Variants in MECOM observed in about 807,000 individuals in gnomAD.
The protein encoded by MECOM is MDS1 and EVI1 complex locus, also known as histone-lysine N-methyltransferase MECOM.
Under a neutral mutation model 116.3 loss-of-function variants are expected in MECOM, and 13 were observed. The ratio of observed to expected loss-of-function variants is 0.11; its 90% CI spans 0.07 to 0.18. The LOEUF (loss-of-function observed/expected upper bound fraction) is 0.18. Ranked by LOEUF, MECOM falls within the 10% of genes least tolerant of loss-of-function variation. The probability of loss-of-function intolerance (pLI) is 1.00; values close to 1 mark genes in which losing one functional copy is unlikely to be tolerated. For synonymous variants in MECOM, 528 were observed against 535.2 expected (o/e 0.99, Z 0.19); for missense variants, 1,299 against 1,509.0 (o/e 0.86, Z 2.31).
rs1416714963 is a variant in MECOM at position 169,486,029 on chromosome 3, A to ATATATATACGTATATATAG, written c.38-104506_38-104505insCTATATATACGTATATATA. 6.0e-5 allele frequency among the ~76,000 whole-genome samples: 7 copies of ATATATATACGTATATATAG among 115,760 alleles called. No individual in the cohort carries two copies. In the East Asian group the frequency reaches 1.1e-3, roughly 18 times the overall value. 75.9% of individuals were successfully genotyped at this position (115,760 alleles called of 152,430 possible). A position where few individuals can be genotyped will look rare whatever the true frequency, so the allele number is the denominator to read the frequency against. On this transcript the variant is annotated intron_variant, in intron 1 of 16. Coordinates refer to ENST00000651503, the MANE Select transcript of MECOM (RefSeq NM_004991.4). ...TACTATATATATATGTATATATAGTATATATATATATGTATATATATATAC... is the reference window on the plus strand; with the variant it reads ...TACTATATATATATGTATATATAGTATATATATACGTATATATAGTATATATATATGTATATATATATAC...
At chr3:169,549,127 C>A (rs1014752324) in intron 1 of MECOM, among the ~76,000 whole-genome samples, 3 of 152,098 alleles carry the variant, frequency 2.0e-5, no homozygotes, top group Admixed American at 2.0e-4. Context: ...GCGCATGCCA[C>A]CACACCCAGC....
intron 1 of MECOM, among the ~76,000 whole-genome samples, chr3:169,659,257 A>C (rs1775932062): frequency 6.6e-6 from 1 of 151,902 alleles, no homozygotes; most frequent in Non-Finnish European, 1.5e-5. Flanking sequence ...ACACTCACTC[A>C]CATTCACACA....
chr3:169,650,762 T>A (rs1003076911), intron 1 of MECOM, among the ~76,000 whole-genome samples: 1 of 152,018 alleles, frequency 6.6e-6, no homozygotes, highest in Non-Finnish European at 1.5e-5. Flanking sequence ...TGAGCTTCCT[T>A]TAATTGCAGA....
intron 1 of MECOM, among the ~76,000 whole-genome samples, chr3:169,450,597 A>G (rs1745395957): frequency 6.6e-6 from 1 of 151,716 alleles, no homozygotes; most frequent in South Asian, 2.1e-4. Flanking sequence ...AAAAAAAATG[A>G]TGACAAAAAA....
At position 169,146,226 on chromosome 3, in the gene MECOM, A is replaced by T. The variant is rs539139161; in HGVS notation, c.376-2394T>A. 3.3e-5 allele frequency: 37 copies of T among 1,123,000 alleles called. No homozygotes were observed. In the African/African-American group the frequency reaches 5.6e-4, roughly 17 times the overall value. The allele number at this position is 1,123,000 out of a possible 1,614,324, so 69.6% of individuals were successfully genotyped here. ...AAAGGAAAAAAAAAAAAATCCCCAC[A>T]ATCTAGCCAAAGGGTCCGAATGTGA... On this transcript the variant is annotated intron_variant, in intron 2 of 16. Transcript: ENST00000651503.
At position 169,177,859 on chromosome 3, in the gene MECOM, G is replaced by A. The variant is rs569583756; in HGVS notation, c.376-34027C>T. The stretch of plus-strand genomic sequence containing the variant: ...CTTGAACCCGGGAGGCAGAGGTTGC[G>A]GTGAGATGAGATCCCAGCCACTGCA... On this transcript the variant is annotated intron_variant, in intron 2 of 16. Coordinates refer to ENST00000651503, the MANE Select transcript of MECOM (RefSeq NM_004991.4). Among the ~76,000 whole-genome samples the A allele has an allele frequency of 4.6e-5, 7 of 151,656 alleles. No homozygotes were observed. In the South Asian group the frequency reaches 6.3e-4, roughly 14 times the overall value.
intron 1 of MECOM, among the ~76,000 whole-genome samples, chr3:169,486,084 G>A (rs1290381226): frequency 1.4e-5 from 2 of 143,666 alleles, no homozygotes; most frequent in Non-Finnish European, 3.0e-5. Context: ...CAAGTTTGAT[G>A]TGGTTTTAGG....
At chr3:169,378,747 C>A (rs1577919038) in intron 2 of MECOM, among the ~76,000 whole-genome samples, 1 of 151,822 alleles carries the variant, frequency 6.6e-6, no homozygotes, top group East Asian at 1.9e-4. Context: ...AGAAGGGGAG[C>A]TTTGCAGGAA....
intron 1 of MECOM, among the ~76,000 whole-genome samples, chr3:169,515,052 A>G (rs1403842839): frequency 3.3e-5 from 5 of 152,092 alleles, no homozygotes; most frequent in African/African-American, 1.2e-4. Context: ...ACATCCAACA[A>G]CTGAGAGAGC....
chr3:169,237,411 T>G (rs1254951473), intron 2 of MECOM, among the ~76,000 whole-genome samples: 1 of 152,136 alleles, frequency 6.6e-6, no homozygotes, highest in East Asian at 1.9e-4. Context: ...CACTATAGTA[T>G]TCAATATAAA....
rs116452387 is a variant in MECOM, at chr3:169,112,219, A to G, written c.2577+568T>C. On this transcript the variant is annotated intron_variant, in intron 9 of 16. Transcript: ENST00000651503. ...TGCTTTGCATTTTCCTTGCAATGAT[A>G]AACTGTATATATTTTGATAAATGAA... is the stretch of plus-strand genomic sequence containing the variant. Among the ~76,000 whole-genome samples the G allele has an allele frequency of 4.7e-3, 709 of 152,294 alleles. 9 individuals are homozygous for G. The highest frequency in any genetic ancestry group is 0.017 in the African/African-American group (687 of 41,566).
Position 169,084,870 on chromosome 3 carries a change from C to T in MECOM, c.*39G>A. On this transcript the variant is annotated 3_prime_UTR_variant, in exon 17 of 17. Transcript: ENST00000651503. ...AGTCCTATATGAAAGAGCCATGCTA[C>T]TGTTGGACTTGGTCCCACTCTGGTC... is the stretch of plus-strand genomic sequence containing the variant. 6.2e-7 allele frequency: 1 copy of T among 1,612,948 alleles called. No individual in the cohort carries two copies. Among genetic ancestry groups the T allele is most frequent in the Non-Finnish European group, 8.5e-7 (1 of 1,179,246 alleles).
chr3:169,205,359 T>G (rs914362254), intron 2 of MECOM, among the ~76,000 whole-genome samples: 3 of 152,152 alleles, frequency 2.0e-5, no homozygotes, highest in African/African-American at 7.2e-5. Context: ...TAAGCATAGG[T>G]TTTTGAAATG....
intron 2 of MECOM, among the ~76,000 whole-genome samples, chr3:169,256,570 A>G (rs1023601055): frequency 9.9e-5 from 15 of 152,240 alleles, no homozygotes; most frequent in African/African-American, 3.4e-4. Flanking sequence ...AACGTAAAAT[A>G]AAAATGAGCC....
rs76136094 is a variant in MECOM, at chr3:169,187,190, G to A, written c.376-43358C>T. On this transcript the variant is annotated intron_variant, in intron 2 of 16. Transcript: ENST00000651503. ...TGGTAGAAGTTTCAAATTCAAGAGGGTGCCTTTCTCACCCTTCAAAGAAGT... is the reference window on the plus strand; with the variant it reads ...TGGTAGAAGTTTCAAATTCAAGAGGATGCCTTTCTCACCCTTCAAAGAAGT... Among the ~76,000 whole-genome samples, 61 of 152,168 alleles carry A rather than the reference G, an allele frequency of 4.0e-4. 1 individual carries two copies. In the East Asian group the frequency reaches 0.011, roughly 27 times the overall value.
chr3:169,410,106 G>GAC (rs1737304933), intron 1 of MECOM, among the ~76,000 whole-genome samples: 1 of 152,128 alleles, frequency 6.6e-6, no homozygotes, highest in South Asian at 2.1e-4. Context: ...TGCACATAAA[G>GAC]ACACACCACT....
intron 1 of MECOM, among the ~76,000 whole-genome samples, chr3:169,553,414 G>A (rs548366508): frequency 8.5e-5 from 13 of 152,204 alleles, no homozygotes; most frequent in Non-Finnish European, 1.5e-4. Flanking sequence ...TGAAGCTACT[G>A]TACAGCAGAA....
At chr3:169,643,126 C>G (rs1229786877) in intron 1 of MECOM, among the ~76,000 whole-genome samples, 7 of 152,198 alleles carry the variant, frequency 4.6e-5, no homozygotes, top group Non-Finnish European at 5.9e-5. Flanking sequence ...AATCATTTTA[C>G]ACATTTATAC....
intron 1 of MECOM, among the ~76,000 whole-genome samples, chr3:169,602,457 T>TTC (rs1767945420): frequency 6.6e-6 from 1 of 152,196 alleles, no homozygotes; most frequent in African/African-American, 2.4e-5. Flanking sequence ...AATATCAGAT[T>TTC]TCTCAACCTC....
Sources: gnomAD v4.1 joint callset for allele counts (sites outside exome capture counted in the v4.1 genomes callset) on GRCh38, gnomAD v4.1.1 for gene constraint, MANE v1.5 for transcripts, NCBI Gene and HGNC (gene_info 2026-07-23, HGNC 2026-07-21) for gene names.